PDLIM5: variants seen among roughly 807,000 people sequenced by gnomAD.
PDLIM5 encodes PDZ and LIM domain protein 5.
In PDLIM5, 34 loss-of-function variants were observed where a neutral mutation model predicts 64.2. That is an observed-to-expected ratio of 0.53 (90% confidence interval 0.40 to 0.71). The LOEUF (loss-of-function observed/expected upper bound fraction) is 0.71. PDLIM5 is among the 30% of genes least tolerant of loss of function. The pLI is 0.00. For missense variants in PDLIM5, 683 were observed against 733.6 expected (o/e 0.93, Z 0.80); for synonymous variants, 253 against 269.1 (o/e 0.94, Z 0.59).
chr4:94,601,349 A>G (rs553026030), intron 7 of PDLIM5, among the ~76,000 whole-genome samples: 6 of 152,178 alleles, frequency 3.9e-5, no homozygotes, highest in Admixed American at 6.5e-5. Context: ...TGACCTAATC[A>G]TCTCCCAGAG....
At chr4:94,588,614 T>C (rs971796219) in intron 7 of PDLIM5, among the ~76,000 whole-genome samples, 1 of 149,628 alleles carries the variant, frequency 6.7e-6, no homozygotes, top group Admixed American at 6.6e-5. Flanking sequence ...TAAGACACAG[T>C]AAAGGATCAT....
At chr4:94,558,464 A>G (rs994420970) in intron 3 of PDLIM5, among the ~76,000 whole-genome samples, 4 of 152,192 alleles carry the variant, frequency 2.6e-5, no homozygotes, top group African/African-American at 9.7e-5. Context: ...ATAGTAGTCA[A>G]CCTATTCTTG....
intron 3 of PDLIM5, 35 bp from the exon 4 acceptor site, chr4:94,573,316 A>ATTT: frequency 6.8e-7 from 1 of 1,467,804 alleles, no homozygotes; most frequent in Non-Finnish European, 9.4e-7. Flanking sequence ...AAAATTCATT[A>ATTT]TTTTTTTTTT....
At chr4:94,537,032 A>T (rs1025649090) in intron 3 of PDLIM5, among the ~76,000 whole-genome samples, 1 of 152,204 alleles carries the variant, frequency 6.6e-6, no homozygotes, top group African/African-American at 2.4e-5. Flanking sequence ...AAATGTTACT[A>T]GTCCTACCTA....
chr4:94,524,485 G>T (rs141196984), intron 3 of PDLIM5, among the ~76,000 whole-genome samples: 3 of 151,336 alleles, frequency 2.0e-5, no homozygotes, highest in Admixed American at 2.0e-4. Flanking sequence ...AAAATTCTGA[G>T]CATTATATTA....
At chr4:94,513,969 A>G (rs987629325) in intron 2 of PDLIM5, among the ~76,000 whole-genome samples, 10 of 152,096 alleles carry the variant, frequency 6.6e-5, no homozygotes, top group African/African-American at 9.7e-5. Context: ...TTCAGCATCA[A>G]TTGAAATGAT....
chr4:94,665,923 G>A lies in PDLIM5; in HGVS notation c.*1856G>A. 10 of 1,502,726 alleles carry A rather than the reference G, an allele frequency of 6.7e-6. No individual in the cohort carries two copies. Among genetic ancestry groups the A allele is most frequent in the Non-Finnish European group, 8.8e-6 (10 of 1,133,392 alleles). The allele number at this position is 1,502,726 out of a possible 1,614,324, so 93.1% of individuals were successfully genotyped here. A position where few individuals can be genotyped will look rare whatever the true frequency, so the allele number is the denominator to read the frequency against. Reference sequence around the variant, plus strand: ...AAAAGAATTATGTAGATACCACATGGAGACAGGGAAACAATTGTGGTAAAA... The same window carrying A: ...AAAAGAATTATGTAGATACCACATGAAGACAGGGAAACAATTGTGGTAAAA... On this transcript the variant is annotated 3_prime_UTR_variant, in exon 13 of 13. Transcript: ENST00000317968.
rs140493847 is a variant in PDLIM5 at position 94,660,188 on chromosome 4, G to A, written c.1586-2234G>A. Reference sequence around the variant, plus strand: ...GCTGGGATTACAGGTGTGAGCCACCGCGCCCGGCCAAATTACACTTTTGAA... The same window carrying A: ...GCTGGGATTACAGGTGTGAGCCACCACGCCCGGCCAAATTACACTTTTGAA... On this transcript the variant is annotated intron_variant, in intron 11 of 12. Transcript: ENST00000317968. 5.1e-3 allele frequency among the ~76,000 whole-genome samples: 772 copies of A among 152,130 alleles called. 7 individuals are homozygous for A. Among genetic ancestry groups the A allele is most frequent in the African/African-American group, 0.017 (726 of 41,502 alleles).
At chr4:94,592,905 T>C (rs1028375998) in intron 7 of PDLIM5, among the ~76,000 whole-genome samples, 2 of 152,134 alleles carry the variant, frequency 1.3e-5, no homozygotes, top group Non-Finnish European at 2.9e-5. Flanking sequence ...AGCCATTGCG[T>C]CTGGCCTAGA....
At chr4:94,472,030 A>G (rs1464930636) in intron 2 of PDLIM5, among the ~76,000 whole-genome samples, 2 of 152,184 alleles carry the variant, frequency 1.3e-5, no homozygotes, top group African/African-American at 2.4e-5. Context: ...TTTTGAAACT[A>G]TTATTGAAAT....
At chr4:94,456,233 T>C (rs1229853412) in intron 2 of PDLIM5, 2 of 448,168 alleles carry the variant, frequency 4.5e-6, no homozygotes, top group Non-Finnish European at 7.9e-6. Flanking sequence ...AGTTTTGTTC[T>C]TGTTGCCCAG....
chr4:94,494,438 T>G (rs1489258871), intron 2 of PDLIM5, among the ~76,000 whole-genome samples: 682 of 46,284 alleles, frequency 0.015, 9 homozygotes, highest in Middle Eastern at 0.036. Context: ...TCTTGTTTTT[T>G]TTTTTTTTTT....
intron 5 of PDLIM5, chr4:94,584,950 ATCTT>A (rs1416232148): frequency 1.4e-6 from 2 of 1,455,330 alleles, no homozygotes. Context: ...CATGTTGGAA[ATCTT>A]TCTTCTGCTG....
At chr4:94,469,106 A>G (rs1724622231) in intron 2 of PDLIM5, among the ~76,000 whole-genome samples, 1 of 152,260 alleles carries the variant, frequency 6.6e-6, no homozygotes, top group Non-Finnish European at 1.5e-5. Flanking sequence ...AGTGGCAGAC[A>G]GAATCATTTA....
chr4:94,644,874 G>A (rs1221018896), intron 9 of PDLIM5, among the ~76,000 whole-genome samples: 1 of 151,900 alleles, frequency 6.6e-6, no homozygotes, highest in South Asian at 2.1e-4. Flanking sequence ...TTATTCTACT[G>A]GATTCCCAAA....
chr4:94,556,458 C>A (rs180934720), intron 3 of PDLIM5, among the ~76,000 whole-genome samples: 2 of 152,128 alleles, frequency 1.3e-5, no homozygotes, highest in Non-Finnish European at 2.9e-5. Flanking sequence ...ATTTTTAGTT[C>A]TAGATCCTTG....
At chr4:94,514,493 G>A (rs752993409) in intron 2 of PDLIM5, among the ~76,000 whole-genome samples, 2 of 152,096 alleles carry the variant, frequency 1.3e-5, no homozygotes, top group Non-Finnish European at 2.9e-5. Flanking sequence ...ATATTGGCCT[G>A]CAGTTTTCTT....
intron 2 of PDLIM5, among the ~76,000 whole-genome samples, chr4:94,507,750 T>C (rs1728512932): frequency 6.6e-6 from 1 of 152,252 alleles, no homozygotes; most frequent in South Asian, 2.1e-4. Flanking sequence ...GCTTTAGCCT[T>C]ATCCTTATAT....
chr4:94,486,257 T>A (rs1337732628), intron 2 of PDLIM5, among the ~76,000 whole-genome samples: 1 of 152,170 alleles, frequency 6.6e-6, no homozygotes, highest in Non-Finnish European at 1.5e-5. Context: ...AAAAATCCTT[T>A]AGCTTTTGGT....
Sources: allele counts gnomAD v4.1 joint callset (sites outside exome capture counted in the v4.1 genomes callset), GRCh38; gene constraint gnomAD v4.1.1; transcripts MANE v1.5; gene names NCBI Gene and HGNC (gene_info 2026-07-23, HGNC 2026-07-21).